FNBP1L: variants seen among roughly 807,000 people sequenced by gnomAD.
FNBP1L encodes the protein formin binding protein 1 like.
FNBP1L carries 36 observed loss-of-function variants against 91.2 expected under a neutral mutation model. The observed-to-expected ratio is 0.39, with a 90% CI of 0.30 to 0.52. The LOEUF is 0.52. Ranked by LOEUF, FNBP1L falls within the 20% of genes least tolerant of loss-of-function variation. The probability of loss-of-function intolerance (pLI) is 0.66; values close to 1 mark genes in which losing one functional copy is unlikely to be tolerated. For synonymous variants in FNBP1L, 242 were observed against 237.0 expected, an observed-to-expected ratio of 1.02 and a Z score of -0.19; for missense variants, 571 against 732.1, an observed-to-expected ratio of 0.78 and a Z score of 2.54.
rs186657259 is a variant in FNBP1L at position 93,522,498 on chromosome 1, G to C, written c.194+363G>C. Among the ~76,000 whole-genome samples the C allele has an allele frequency of 9.9e-5, 15 of 152,036 alleles. No individual in the cohort carries two copies. The East Asian group carries it at 2.9e-3, about 29-fold the overall frequency. ...AGATAGTAAAACAATTTGACTGATTGGTATAAAGGGATGTTGAAAAGCACT... is the reference window on the plus strand; with the variant it reads ...AGATAGTAAAACAATTTGACTGATTCGTATAAAGGGATGTTGAAAAGCACT... On this transcript the variant is annotated intron_variant, in intron 3 of 16. Coordinates refer to ENST00000271234, the MANE Select transcript of FNBP1L (RefSeq NM_001164473.3).
intron 5 of FNBP1L, among the ~76,000 whole-genome samples, chr1:93,524,849 C>A (rs780985185): frequency 2.0e-5 from 3 of 151,820 alleles, no homozygotes; most frequent in Non-Finnish European, 4.4e-5. Flanking sequence ...TGATATTGGC[C>A]TGCTAATAGA....
chr1:93,493,025 A>G (rs2101719065), intron 1 of FNBP1L, among the ~76,000 whole-genome samples: 1 of 152,270 alleles, frequency 6.6e-6, no homozygotes, highest in Non-Finnish European at 1.5e-5. Flanking sequence ...GCACTTTGGG[A>G]GGCCAAGGCA....
intron 5 of FNBP1L, among the ~76,000 whole-genome samples, chr1:93,529,384 G>T (rs888660417): frequency 6.6e-6 from 1 of 151,898 alleles, no homozygotes; most frequent in Admixed American, 6.6e-5. Flanking sequence ...TACTTAGTGC[G>T]CAGTTCATTT....
At chr1:93,521,073 C>G (rs1009911104) in intron 2 of FNBP1L, among the ~76,000 whole-genome samples, 1 of 151,938 alleles carries the variant, frequency 6.6e-6, no homozygotes, top group Non-Finnish European at 1.5e-5. Context: ...ACCAACCAAC[C>G]AACCAACCAA....
chr1:93,526,675 G>A (rs1293444336), intron 5 of FNBP1L, among the ~76,000 whole-genome samples: 1 of 152,078 alleles, frequency 6.6e-6, no homozygotes, highest in African/African-American at 2.4e-5. Flanking sequence ...AGTAGAAGTG[G>A]CTGTACTTCG....
At chr1:93,538,007 C>G (rs2101765212) in intron 10 of FNBP1L, among the ~76,000 whole-genome samples, 1 of 152,180 alleles carries the variant, frequency 6.6e-6, no homozygotes, top group Non-Finnish European at 1.5e-5. Context: ...TTAGACTACA[C>G]TAAATATTAT....
At chr1:93,545,063 A>G (rs1672177854) in intron 12 of FNBP1L, among the ~76,000 whole-genome samples, 1 of 152,118 alleles carries the variant, frequency 6.6e-6, no homozygotes. Flanking sequence ...CTTATTTCAT[A>G]TATGATGTTG....
intron 2 of FNBP1L, 62 bp from the exon 3 acceptor site, chr1:93,522,020 C>T: frequency 9.7e-7 from 1 of 1,034,448 alleles, no homozygotes; most frequent in Non-Finnish European, 1.4e-6. Context: ...AAAACTTAGA[C>T]TATTTCAATT....
At chr1:93,454,953 G>A (rs1242448918) in intron 1 of FNBP1L, among the ~76,000 whole-genome samples, 1 of 151,506 alleles carries the variant, frequency 6.6e-6, no homozygotes, top group Admixed American at 6.6e-5. Context: ...TTTTGAGACG[G>A]AGTCTCGCTC....
chr1:93,515,171 C>T (rs887431711), intron 2 of FNBP1L, among the ~76,000 whole-genome samples: 172 of 152,278 alleles, frequency 1.1e-3, no homozygotes, highest in African/African-American at 3.2e-3. Context: ...AAAATGCTCG[C>T]CATCACTGGC....
intron 5 of FNBP1L, among the ~76,000 whole-genome samples, chr1:93,525,925 G>A (rs565326047): frequency 1.3e-5 from 2 of 152,288 alleles, no homozygotes; most frequent in East Asian, 1.9e-4. Context: ...GTAGAAACAA[G>A]TGTAGGATTC....
chr1:93,503,491 T>C (rs1446259050), intron 2 of FNBP1L, among the ~76,000 whole-genome samples: 3 of 152,224 alleles, frequency 2.0e-5, no homozygotes, highest in Non-Finnish European at 2.9e-5. Flanking sequence ...AATTTCTTAA[T>C]CTTTGGTAAT....
At chr1:93,476,760 G>A (rs918962648) in intron 1 of FNBP1L, among the ~76,000 whole-genome samples, 10 of 152,124 alleles carry the variant, frequency 6.6e-5, no homozygotes, top group South Asian at 2.1e-4. Context: ...AAACAGGAGG[G>A]TGTCTTTCTC....
At chr1:93,526,878 C>T (rs1031140958) in intron 5 of FNBP1L, among the ~76,000 whole-genome samples, 1 of 152,252 alleles carries the variant, frequency 6.6e-6, no homozygotes, top group Admixed American at 6.5e-5. Context: ...TACTTTTGTA[C>T]ATAAGTAGCC....
intron 1 of FNBP1L, among the ~76,000 whole-genome samples, chr1:93,452,019 GTTGAGTGATAGA>G (rs1668514665): frequency 6.6e-6 from 1 of 152,188 alleles, no homozygotes; most frequent in South Asian, 2.1e-4. Context: ...AAAAATGTGG[GTTGAGTGATAGA>G]TTAGGTGGAT....
intron 2 of FNBP1L, among the ~76,000 whole-genome samples, chr1:93,509,962 C>T (rs1401159119): frequency 4.6e-5 from 7 of 152,192 alleles, no homozygotes; most frequent in Non-Finnish European, 7.3e-5. Context: ...GAGGGTCCTA[C>T]GCCCACGGAG....
chr1:93,494,748 A>G (rs189292325), intron 1 of FNBP1L, among the ~76,000 whole-genome samples: 2,010 of 152,328 alleles, frequency 0.013, 16 homozygotes, highest in Non-Finnish European at 0.019. Context: ...CCAAGACTGG[A>G]TAATTTATAA....
chr1:93,549,157 G>T, intron 14 of FNBP1L, 121 bp from the exon 15 acceptor site: 2 of 692,680 alleles, frequency 2.9e-6, no homozygotes, highest in Non-Finnish European at 4.3e-6. Context: ...TAGGGCTTAA[G>T]TGGAAACTGT....
chr1:93,523,638 C>T, intron 4 of FNBP1L, 147 bp downstream of exon 4: 1 of 883,552 alleles, frequency 1.1e-6, no homozygotes, highest in Non-Finnish European at 1.6e-6. Context: ...ACAAAATACT[C>T]TTGCTAATTT....
Sources: allele counts gnomAD v4.1 joint callset (sites outside exome capture counted in the v4.1 genomes callset), GRCh38; gene constraint gnomAD v4.1.1; transcripts MANE v1.5; gene names NCBI Gene and HGNC (gene_info 2026-07-23, HGNC 2026-07-21).